ZNF280C: variants seen among roughly 807,000 people sequenced by gnomAD.
ZNF280C encodes the protein zinc finger protein 280C, also known as suppressor of hairy wing homolog 3.
In ZNF280C, 14 loss-of-function variants were observed where a neutral mutation model predicts 53.6. That is an observed-to-expected ratio of 0.26 (90% CI 0.17 to 0.41). The LOEUF is 0.41. ZNF280C is among the 10% of genes least tolerant of loss of function. The pLI, the probability that ZNF280C is intolerant of heterozygous loss-of-function variation, is 1.00. For synonymous variants in ZNF280C, 203 were observed against 181.1 expected, an observed-to-expected ratio of 1.12 and a Z score of -0.97; for missense variants, 416 against 547.1, an observed-to-expected ratio of 0.76 and a Z score of 2.39.
chrX:130,254,569 T>C (rs1301448402), intron 2 of ZNF280C, among the ~76,000 whole-genome samples: 3 of 111,969 alleles, frequency 2.7e-5, no homozygotes, highest in East Asian at 2.8e-4. Flanking sequence ...ATGGAGAACT[T>C]TGCAGCCATA....
chrX:130,220,703 A>C (rs1378314993), intron 12 of ZNF280C, among the ~76,000 whole-genome samples: 1 of 111,474 alleles, frequency 9.0e-6, no homozygotes. Flanking sequence ...AAAAGTATAT[A>C]ATTAGATTTT....
At chrX:130,206,461 G>C (rs924867086) in intron 16 of ZNF280C, among the ~76,000 whole-genome samples, 1 of 105,699 alleles carries the variant, frequency 9.5e-6, no homozygotes, top group East Asian at 3.0e-4. Flanking sequence ...CCGCCTCCCG[G>C]GTTCATGCCA....
rs1240047019 is a variant in ZNF280C at position 130,230,603 on chromosome X, T to C, written c.896A>G (p.Tyr299Cys). 1 of 1,207,551 alleles carries C rather than the reference T, an allele frequency of 8.3e-7. No homozygotes were observed. The highest frequency in any genetic ancestry group is 3.0e-5 in the East Asian group (1 of 33,729). Residue 299 changes from tyrosine to cysteine, a missense_variant, in exon 9 of 19, where the codon TAT (tyrosine) becomes TGT (cysteine). Coordinates refer to ENST00000370978, the MANE Select transcript of ZNF280C (RefSeq NM_017666.5). Reference protein sequence around the residue: ...KLIMLVNEFYYGRHEGVTEKE... With the variant: ...KLIMLVNEFYCGRHEGVTEKE... ...CTCAGTGACTCCTTCATGCCTTCCATAATAAAACTCATTGACTAACATGAT... is the reference window on the plus strand; with the variant it reads ...CTCAGTGACTCCTTCATGCCTTCCACAATAAAACTCATTGACTAACATGAT...
At chrX:130,213,339 C>T (rs1277251609) in intron 15 of ZNF280C, among the ~76,000 whole-genome samples, 1 of 112,201 alleles carries the variant, frequency 8.9e-6, no homozygotes, top group Non-Finnish European at 1.9e-5. Context: ...TGCCACTGCA[C>T]TCCAGCCTGG....
intron 10 of ZNF280C, among the ~76,000 whole-genome samples, chrX:130,228,062 T>C (rs771998214): frequency 1.8e-5 from 2 of 111,746 alleles, no homozygotes; most frequent in Non-Finnish European, 3.8e-5. Flanking sequence ...CTCACAGCTG[T>C]AGTAAGAGGC....
chrX:130,204,628 T>A lies in ZNF280C; in HGVS notation c.*349A>T, dbSNP rs1322698617. 5.7e-6 allele frequency: 1 copy of A among 175,013 alleles called. No individual in the cohort carries two copies. Among genetic ancestry groups the A allele is most frequent in the Non-Finnish European group, 1.0e-5 (1 of 95,625 alleles). The allele number at this position is 175,013 out of a possible 1,213,427, so 14.4% of individuals were successfully genotyped here. On this transcript the variant is annotated 3_prime_UTR_variant, in exon 19 of 19. Transcript: ENST00000370978. ...ATCTGACCTAAACATGTAAGACTTA[T>A]AAGAAATTAAGAAAGCAGACAAAAC...
chrX:130,238,459 A>T (rs1390656706), intron 6 of ZNF280C, among the ~76,000 whole-genome samples: 1 of 111,074 alleles, frequency 9.0e-6, no homozygotes, highest in Non-Finnish European at 1.9e-5. Flanking sequence ...AAGCCACAAA[A>T]ATCTTTAGAA....
At chrX:130,229,861 G>T (rs1284745008) in intron 9 of ZNF280C, among the ~76,000 whole-genome samples, 1 of 111,937 alleles carries the variant, frequency 8.9e-6, no homozygotes, top group Admixed American at 9.5e-5. Context: ...TTTTCAAAGG[G>T]CTTACTAAAA....
intron 1 of ZNF280C, among the ~76,000 whole-genome samples, chrX:130,260,805 T>A (rs769984559): frequency 1.8e-5 from 2 of 112,002 alleles, no homozygotes; most frequent in East Asian, 5.6e-4. Context: ...TAACATATAG[T>A]TAAATGTATT....
rs1327207248 is a variant in ZNF280C at position 130,226,791 on chromosome X, T to C, written c.1363A>G (p.Thr455Ala). The C allele has an allele frequency of 8.3e-7, 1 of 1,210,430 alleles. No homozygotes were observed. ...TTCATGTAATGATTCATGTAGGGGG[T>C]TGCCATTTTACTAACTTTGAGGCAA... ...PFCLKVSKMA[T>A]PYMNHYMKHQ... Residue 455 changes from threonine to alanine, a missense_variant, in exon 12 of 19, where the codon ACC becomes GCC. Physicochemically the swap from Thr to Ala is moderately conservative, Grantham distance 58 (BLOSUM62 0). Coordinates refer to ENST00000370978, the MANE Select transcript of ZNF280C (RefSeq NM_017666.5).
At chrX:130,258,481 A>G (rs2032597590) in intron 2 of ZNF280C, among the ~76,000 whole-genome samples, 2 of 112,037 alleles carry the variant, frequency 1.8e-5, no homozygotes, top group Non-Finnish European at 3.8e-5. Context: ...GATATGCCAG[A>G]TATCATGGCT....
intron 1 of ZNF280C, among the ~76,000 whole-genome samples, chrX:130,266,036 A>G (rs2032684743): frequency 8.9e-6 from 1 of 112,401 alleles, no homozygotes; most frequent in African/African-American, 3.2e-5. Context: ...ATATGTGTTG[A>G]TATTTCCCAT....
chrX:130,207,157 C>A (rs1008864764), intron 16 of ZNF280C, among the ~76,000 whole-genome samples: 2 of 111,280 alleles, frequency 1.8e-5, no homozygotes, highest in African/African-American at 6.5e-5. Context: ...ACTACAATAG[C>A]CTTAACCAGC....
At position 130,260,474 on chromosome X, in the gene ZNF280C, G is replaced by A. The variant is rs771301506; in HGVS notation, c.-16-9C>T. The stretch of plus-strand genomic sequence containing the variant: ...TGAAGTTGCAAGGTCACCTAAGTAC[G>A]AACACATGACATCAATCAATGTTAT... On this transcript the variant is annotated splice_polypyrimidine_tract_variant and intron_variant, in intron 1 of 18. Coordinates refer to ENST00000370978, the MANE Select transcript of ZNF280C (RefSeq NM_017666.5). 3.4e-6 allele frequency: 4 copies of A among 1,171,240 alleles called. No individual in the cohort carries two copies. The highest frequency in any genetic ancestry group is 1.8e-5 in the African/African-American group (1 of 55,741).
At chrX:130,225,543 A>G (rs1427440094) in intron 12 of ZNF280C, among the ~76,000 whole-genome samples, 3 of 111,139 alleles carry the variant, frequency 2.7e-5, no homozygotes, top group African/African-American at 9.8e-5. Context: ...GCCATTCACT[A>G]AATTTCTTTT....
intron 5 of ZNF280C, among the ~76,000 whole-genome samples, chrX:130,243,342 C>T (rs1302177500): frequency 9.0e-6 from 1 of 111,391 alleles, no homozygotes; most frequent in Non-Finnish European, 1.9e-5. Context: ...CACCACTATG[C>T]CCAGCTAATT....
In ZNF280C at chrX:130,268,426, T is replaced by C. The variant is rs182549625; in HGVS notation, c.-17+336A>G. 3.4e-3 allele frequency among the ~76,000 whole-genome samples: 380 copies of C among 111,603 alleles called. 2 individuals are homozygous for C. The highest frequency in any genetic ancestry group is 0.011 in the African/African-American group (351 of 30,712). ...AGACGAAAGGGAGTTGCCTCCAGAA[T>C]GAAAAGCCCAAACCGGGTTGGAAAC... On this transcript the variant is annotated intron_variant, in intron 1 of 18. Coordinates refer to ENST00000370978, the MANE Select transcript of ZNF280C (RefSeq NM_017666.5).
intron 3 of ZNF280C, among the ~76,000 whole-genome samples, chrX:130,246,263 C>T (rs1433904291): frequency 8.9e-6 from 1 of 112,116 alleles, no homozygotes; most frequent in Non-Finnish European, 1.9e-5. Flanking sequence ...GCCCTCCCTC[C>T]TTCATGAATA....
chrX:130,248,045 A>G, intron 2 of ZNF280C, among the ~76,000 whole-genome samples: 1 of 104,130 alleles, frequency 9.6e-6, no homozygotes, highest in Non-Finnish European at 2.0e-5. Context: ...ATTGAGGAAA[A>G]CCTTCAATGT....
Sources: allele counts gnomAD v4.1 joint callset (sites outside exome capture counted in the v4.1 genomes callset), GRCh38; gene constraint gnomAD v4.1.1; transcripts MANE v1.5; gene names NCBI Gene and HGNC (gene_info 2026-07-23, HGNC 2026-07-21).